The following ANO10 variants were observed in gnomAD, a reference collection of about 807,000 sequenced individuals.
ANO10 encodes the protein anoctamin-10.
A neutral mutation model predicts 74.7 loss-of-function variants in ANO10; 77 were observed. The ratio of observed to expected loss-of-function variants is 1.03; its 90% CI spans 0.86 to 1.25. The LOEUF is 1.25. Among genes scored for constraint, ANO10 ranks in the 50% most tolerant of loss-of-function variants. ANO10 has a pLI of 0.00. For missense variants in ANO10, 721 were observed against 778.1 expected (o/e 0.93, Z 0.87); for synonymous variants, 279 against 284.9 (o/e 0.98, Z 0.21).
At chr3:43,557,319 A>C (rs1368287965) in intron 9 of ANO10, among the ~76,000 whole-genome samples, 1 of 152,196 alleles carries the variant, frequency 6.6e-6, no homozygotes, top group Non-Finnish European at 1.5e-5. Context: ...ATAAGATCAA[A>C]CAATAGATTT....
chr3:43,439,715 C>CA (rs968885542), intron 11 of ANO10, among the ~76,000 whole-genome samples: 11 of 151,192 alleles, frequency 7.3e-5, no homozygotes, highest in Non-Finnish European at 1.3e-4. Flanking sequence ...CCCTGTCTCA[C>CA]AAAAAAAATA....
At chr3:43,426,031 C>G (rs2092895334) in intron 12 of ANO10, among the ~76,000 whole-genome samples, 1 of 152,170 alleles carries the variant, frequency 6.6e-6, no homozygotes, top group African/African-American at 2.4e-5. Context: ...CTACTGCCTC[C>G]AGGTCTTTAG....
At chr3:43,513,839 G>C (rs2077605243) in intron 11 of ANO10, among the ~76,000 whole-genome samples, 1 of 151,878 alleles carries the variant, frequency 6.6e-6, no homozygotes, top group Non-Finnish European at 1.5e-5. Context: ...AAAGAAGGAA[G>C]AAAAGGGAAG....
intron 9 of ANO10, among the ~76,000 whole-genome samples, chr3:43,560,893 G>C (rs1418534158): frequency 6.6e-6 from 1 of 152,214 alleles, no homozygotes; most frequent in Non-Finnish European, 1.5e-5. Context: ...AGCGAGCAAT[G>C]CTGCTGCCTC....
chr3:43,522,802 C>T (rs1253070715), intron 11 of ANO10, among the ~76,000 whole-genome samples: 1 of 152,148 alleles, frequency 6.6e-6, no homozygotes, highest in Non-Finnish European at 1.5e-5. Context: ...AGCAATGATG[C>T]CAGGCTGCAC....
At chr3:43,589,413 G>C (rs996535692) in intron 4 of ANO10, among the ~76,000 whole-genome samples, 2 of 152,090 alleles carry the variant, frequency 1.3e-5, no homozygotes, top group Non-Finnish European at 2.9e-5. Context: ...TCGGCTGGGC[G>C]CAGTGGCTCA....
At chr3:43,485,057 T>C in intron 11 of ANO10, 1 of 1,346,198 alleles carries the variant, frequency 7.4e-7, no homozygotes, top group Non-Finnish European at 1.0e-6. Context: ...GAACTTGATC[T>C]TGGAGTCGTG....
intron 11 of ANO10, among the ~76,000 whole-genome samples, chr3:43,533,045 G>T (rs1338429639): frequency 6.6e-6 from 1 of 152,158 alleles, no homozygotes; most frequent in Non-Finnish European, 1.5e-5. Context: ...TTCCAGGCAT[G>T]ATAGAGCCCA....
chr3:43,453,371 G>T (rs1001054691), intron 11 of ANO10, among the ~76,000 whole-genome samples: 7 of 152,022 alleles, frequency 4.6e-5, no homozygotes, highest in African/African-American at 1.4e-4. Flanking sequence ...AGTACAGACG[G>T]GGTTTCACTG....
At position 43,557,475 on chromosome 3, in the gene ANO10, C is replaced by T. The variant is rs554388126; in HGVS notation, c.1477-2006G>A. Among the ~76,000 whole-genome samples, 275 of 152,206 alleles carry T rather than the reference C, an allele frequency of 1.8e-3. 2 individuals carry two copies. The highest frequency in any genetic ancestry group is 3.2e-3 in the Non-Finnish European group (219 of 68,004). ...GTTTGGCCAGGCGCAGTGGCTCACG[C>T]CTGTAATTCCAGCACTTTGGGAGGC... On this transcript the variant is annotated intron_variant, in intron 9 of 12. Coordinates refer to ENST00000292246, the MANE Select transcript of ANO10 (RefSeq NM_018075.5).
intron 8 of ANO10, 149 bp downstream of exon 8, chr3:43,565,504 T>G (rs2080267605): frequency 1.3e-6 from 1 of 744,940 alleles, no homozygotes; most frequent in South Asian, 1.9e-5. Context: ...CCATTCCTAA[T>G]AATTTTTTAT....
intron 4 of ANO10, among the ~76,000 whole-genome samples, chr3:43,593,616 A>G (rs1228446335): frequency 6.6e-6 from 1 of 152,208 alleles, no homozygotes; most frequent in Non-Finnish European, 1.5e-5. Flanking sequence ...GAAGCACTAA[A>G]CATGGATTGG....
At chr3:43,691,089 G>A (rs2084368184) in intron 1 of ANO10, 1 of 1,498,566 alleles carries the variant, frequency 6.7e-7, no homozygotes, top group East Asian at 2.7e-5. Context: ...CGCACCCTCC[G>A]CGCGGGCCGG....
chr3:43,409,410 T>C (rs1475745024), intron 12 of ANO10, among the ~76,000 whole-genome samples: 1 of 152,062 alleles, frequency 6.6e-6, no homozygotes, highest in Non-Finnish European at 1.5e-5. Context: ...TAGTCGGGCA[T>C]GGCATGCATC....
chr3:43,517,730 A>G (rs1232603554), intron 11 of ANO10, among the ~76,000 whole-genome samples: 2 of 152,206 alleles, frequency 1.3e-5, no homozygotes, highest in African/African-American at 4.8e-5. Flanking sequence ...AAACTAATGC[A>G]TACTACGTGT....
intron 1 of ANO10, among the ~76,000 whole-genome samples, chr3:43,621,199 C>A (rs527519640): frequency 9.2e-5 from 14 of 152,138 alleles, no homozygotes; most frequent in South Asian, 2.1e-4. Flanking sequence ...CAGAAGGCAG[C>A]GCACACCAAT....
intron 7 of ANO10, 96 bp from the exon 8 acceptor site, chr3:43,565,823 G>C: frequency 2.2e-6 from 3 of 1,365,618 alleles, no homozygotes; most frequent in South Asian, 1.3e-5. Context: ...TAATGGGAGC[G>C]GGGAGGAGCC....
chr3:43,532,137 A>G (rs565306695), intron 11 of ANO10, among the ~76,000 whole-genome samples: 1 of 152,332 alleles, frequency 6.6e-6, no homozygotes, highest in Admixed American at 6.5e-5. Context: ...ATTCCCCTAA[A>G]GCTCTTAGTA....
chr3:43,504,271 A>T (rs2149159266), intron 11 of ANO10, among the ~76,000 whole-genome samples: 1 of 146,014 alleles, frequency 6.8e-6, no homozygotes, highest in African/African-American at 2.5e-5. Flanking sequence ...CGCCTCAAAA[A>T]ATAAGTAGAT....
Sources: allele counts gnomAD v4.1 joint callset (sites outside exome capture counted in the v4.1 genomes callset), GRCh38; gene constraint gnomAD v4.1.1; transcripts MANE v1.5; gene names NCBI Gene and HGNC (gene_info 2026-07-23, HGNC 2026-07-21).